Variants in CFAP47 observed in about 807,000 individuals in gnomAD.
The protein encoded by CFAP47 is cilia and flagella associated protein 47, also known as cilia- and flagella-associated protein 47.
CFAP47 carries 29 observed loss-of-function variants against 148.1 expected under a neutral mutation model. The ratio of observed to expected loss-of-function variants is 0.20; its 90% CI spans 0.15 to 0.27. CFAP47 has a LOEUF of 0.27. CFAP47 is among the 10% of genes least tolerant of loss of function. CFAP47 has a pLI of 1.00. For synonymous variants in CFAP47, 664 were observed against 577.3 expected, an observed-to-expected ratio of 1.15 and a Z score of -2.15; for missense variants, 1,872 against 1,697.5, an observed-to-expected ratio of 1.10 and a Z score of -1.81.
At chrX:36,229,247 T>C (rs1940308296) in intron 46 of CFAP47, among the ~76,000 whole-genome samples, 1 of 111,886 alleles carries the variant, frequency 8.9e-6, no homozygotes, top group East Asian at 2.8e-4. Flanking sequence ...GGTAAGATAA[T>C]TGTAAAGAAC....
At chrX:36,378,309 G>A (rs1397630781) in intron 62 of CFAP47, among the ~76,000 whole-genome samples, 2 of 111,479 alleles carry the variant, frequency 1.8e-5, no homozygotes, top group Non-Finnish European at 3.8e-5. Flanking sequence ...CCATTTTCAG[G>A]CCCAAGAATG....
Position 36,298,122 on chromosome X carries a change from C to T in CFAP47, c.7687-855C>T, listed in dbSNP as rs375253815. ...GACACATGCACATGTATGTTTATTG[C>T]GGCACTATTCACAATAGCAAAGACT... is the stretch of plus-strand genomic sequence containing the variant. On this transcript the variant is annotated intron_variant, in intron 51 of 63. Coordinates refer to ENST00000378653, the MANE Select transcript of CFAP47 (RefSeq NM_001304548.2). Among the ~76,000 whole-genome samples the T allele has an allele frequency of 1.6e-4, 16 of 101,691 alleles. No individual in the cohort carries two copies. The East Asian group carries it at 2.2e-3, about 14-fold the overall frequency. 88.3% of individuals were successfully genotyped at this position (101,691 alleles called of 115,157 possible).
At chrX:36,026,250 T>A (rs747503648) in intron 22 of CFAP47, among the ~76,000 whole-genome samples, 5 of 111,967 alleles carry the variant, frequency 4.5e-5, no homozygotes, top group Non-Finnish European at 9.4e-5. Context: ...ATTGTTCTTT[T>A]CTCCCGCCCT....
chrX:36,126,312 G>C (rs1938837566), intron 33 of CFAP47, among the ~76,000 whole-genome samples: 1 of 110,393 alleles, frequency 9.1e-6, no homozygotes, highest in Non-Finnish European at 1.9e-5. Context: ...TGTTCTCACT[G>C]TTCAAGTCCC....
At chrX:36,263,093 T>C (rs1556000462) in intron 49 of CFAP47, among the ~76,000 whole-genome samples, 1 of 112,391 alleles carries the variant, frequency 8.9e-6, no homozygotes, top group Non-Finnish European at 1.9e-5. Context: ...TTGAGCTCCT[T>C]ATATATTCTG....
At chrX:35,944,582 CA>C (rs1257052535) in intron 3 of CFAP47, among the ~76,000 whole-genome samples, 4 of 111,322 alleles carry the variant, frequency 3.6e-5, no homozygotes, top group Non-Finnish European at 5.7e-5. Context: ...TAAGAAATAG[CA>C]ATAGCCTGGG....
At chrX:36,171,892 A>G (rs1939585424) in intron 39 of CFAP47, among the ~76,000 whole-genome samples, 1 of 108,797 alleles carries the variant, frequency 9.2e-6, no homozygotes, top group Admixed American at 9.8e-5. Flanking sequence ...CTTGGGCAGT[A>G]TGGCCATTTT....
rs191053001 is a variant in CFAP47 at position 36,067,618 on chromosome X, C to A, written c.4318+1875C>A. ...CTGTTCTCCTTCCTCCTACAATGGT[C>A]TCCCCTTTCACATAGCTACCCTCAG... On this transcript the variant is annotated intron_variant, in intron 27 of 63. Transcript: ENST00000378653. 3.6e-3 allele frequency among the ~76,000 whole-genome samples: 395 copies of A among 110,065 alleles called. 3 individuals are homozygous for A. The highest frequency in any genetic ancestry group is 0.033 in the Middle Eastern group (7 of 214).
In CFAP47 at chrX:36,280,452, T is replaced by C. The variant is rs1046020760; in HGVS notation, c.7445-35T>C. 4 of 453,208 alleles carry C rather than the reference T, an allele frequency of 8.8e-6. No individual in the cohort carries two copies. The Admixed American group carries it at 1.3e-4, about 15-fold the overall frequency. 37.3% of individuals were successfully genotyped at this position (453,208 alleles called of 1,213,427 possible). On this transcript the variant is annotated intron_variant, in intron 49 of 63. Transcript: ENST00000378653. ...CCTTTTGTTTCAGAAAACTAAACCC[T>C]GATTAATAGGGCATCTTGTACTTAT...
At chrX:36,352,419 T>A (rs1275095689) in intron 59 of CFAP47, among the ~76,000 whole-genome samples, 1 of 111,398 alleles carries the variant, frequency 9.0e-6, no homozygotes, top group Non-Finnish European at 1.9e-5. Flanking sequence ...GAATAAAATT[T>A]ACATTTGTTA....
chrX:36,208,551 T>C (rs1247160561), intron 45 of CFAP47, among the ~76,000 whole-genome samples: 1 of 111,869 alleles, frequency 8.9e-6, no homozygotes, highest in Non-Finnish European at 1.9e-5. Context: ...AAATACGTGT[T>C]GTTCAATGGT....
At chrX:36,122,194 T>C (rs955595271) in intron 33 of CFAP47, among the ~76,000 whole-genome samples, 1 of 111,716 alleles carries the variant, frequency 9.0e-6, no homozygotes, top group Non-Finnish European at 1.9e-5. Flanking sequence ...TTGTATGTTA[T>C]TTGTTTCTTT....
At chrX:36,384,763 T>C (rs1556024820) in intron 63 of CFAP47, 34 bp from the exon 64 acceptor site, 1 of 1,051,355 alleles carries the variant, frequency 9.5e-7, no homozygotes, top group Non-Finnish European at 1.3e-6. Flanking sequence ...TCCCTGGATA[T>C]TTCAAATGAA....
At chrX:36,284,698 C>T (rs73629598) in intron 50 of CFAP47, among the ~76,000 whole-genome samples, 1 of 111,521 alleles carries the variant, frequency 9.0e-6, no homozygotes, top group Non-Finnish European at 1.9e-5. Context: ...CTAGTTTGTG[C>T]TTCTTATTTC....
At chrX:36,323,940 T>A (rs1161688072) in intron 57 of CFAP47, among the ~76,000 whole-genome samples, 2 of 111,652 alleles carry the variant, frequency 1.8e-5, no homozygotes, top group Non-Finnish European at 3.8e-5. Flanking sequence ...AGCTTCATAC[T>A]ATACTATAGA....
chrX:36,363,641 A>G (rs1941846798), intron 61 of CFAP47, among the ~76,000 whole-genome samples: 1 of 111,932 alleles, frequency 8.9e-6, no homozygotes, highest in African/African-American at 3.2e-5. Context: ...TTAGTACTAA[A>G]TTCAATTCTG....
At chrX:36,294,314 G>T (rs1221098849) in intron 51 of CFAP47, among the ~76,000 whole-genome samples, 1 of 111,413 alleles carries the variant, frequency 9.0e-6, no homozygotes, top group African/African-American at 3.3e-5. Context: ...CAGGCAGTGT[G>T]CAAAATTCCC....
intron 60 of CFAP47, among the ~76,000 whole-genome samples, chrX:36,354,332 T>A (rs1556018054): frequency 9.2e-6 from 1 of 108,485 alleles, no homozygotes; most frequent in Non-Finnish European, 1.9e-5. Flanking sequence ...ATATAAAAAA[T>A]TAGCCAGGTG....
chrX:36,294,202 T>A (rs1323821685), intron 51 of CFAP47, among the ~76,000 whole-genome samples: 2 of 110,799 alleles, frequency 1.8e-5, no homozygotes, highest in African/African-American at 6.6e-5. Flanking sequence ...TCTCATTTCA[T>A]CCTGCAACCT....
Sources: gnomAD v4.1 joint callset for allele counts (sites outside exome capture counted in the v4.1 genomes callset) on GRCh38, gnomAD v4.1.1 for gene constraint, MANE v1.5 for transcripts, NCBI Gene and HGNC (gene_info 2026-07-23, HGNC 2026-07-21) for gene names.